Variants in CADPS observed in about 807,000 individuals in gnomAD.
The protein encoded by CADPS is calcium dependent secretion activator.
In CADPS, 57 loss-of-function variants were observed where a neutral mutation model predicts 167.3. The observed-to-expected ratio is 0.34, with a 90% CI of 0.28 to 0.42. The LOEUF is 0.42. Ranked by LOEUF, CADPS falls within the 20% of genes least tolerant of loss-of-function variation. The probability of loss-of-function intolerance (pLI) is 1.00; values close to 1 mark genes in which losing one functional copy is unlikely to be tolerated. For missense variants in CADPS, 1,414 were observed against 1,738.1 expected, an observed-to-expected ratio of 0.81 and a Z score of 3.32; for synonymous variants, 676 against 635.3, an observed-to-expected ratio of 1.06 and a Z score of -0.96.
chr3:62,734,490 A>C (rs932255136), intron 3 of CADPS, among the ~76,000 whole-genome samples: 11 of 152,144 alleles, frequency 7.2e-5, no homozygotes, highest in African/African-American at 2.7e-4. Flanking sequence ...AGTAGCCACT[A>C]TTCTGATTTC....
chr3:62,771,576 G>C (rs1424980120), intron 1 of CADPS, among the ~76,000 whole-genome samples: 1 of 152,142 alleles, frequency 6.6e-6, no homozygotes, highest in Non-Finnish European at 1.5e-5. Flanking sequence ...AATGGGCTTT[G>C]ATGAGCCGCT....
chr3:62,531,553 G>A (rs1056002245), intron 13 of CADPS, among the ~76,000 whole-genome samples: 2 of 152,222 alleles, frequency 1.3e-5, no homozygotes, highest in African/African-American at 4.8e-5. Flanking sequence ...AGAGATTTTA[G>A]TTGTATAGCT....
At chr3:62,578,043 T>C (rs2082638968) in intron 8 of CADPS, among the ~76,000 whole-genome samples, 1 of 152,084 alleles carries the variant, frequency 6.6e-6, no homozygotes, top group African/African-American at 2.4e-5. Flanking sequence ...ATAGGCTAAA[T>C]ATCTCAACTA....
rs1175200777 is a variant in CADPS, at chr3:62,601,474, A to G, written c.1326-8726T>C. ...GAAATACTTTTATTTTCATTAGCAG[A>G]TTAGCAGAATGCTCATCTGGGCATA... On this transcript the variant is annotated intron_variant, in intron 6 of 29. Coordinates refer to ENST00000383710, the MANE Select transcript of CADPS (RefSeq NM_003716.4). This position sits in a 1 kb window ranked among gnomAD's most constrained non-coding sequence, Gnocchi z 4.3. Among the ~76,000 whole-genome samples the G allele has an allele frequency of 6.6e-6, 1 of 152,228 alleles. No individual in the cohort carries two copies. The highest frequency in any genetic ancestry group is 2.4e-5 in the African/African-American group (1 of 41,454).
intron 6 of CADPS, among the ~76,000 whole-genome samples, chr3:62,624,693 A>G (rs1483791541): frequency 6.6e-6 from 1 of 152,170 alleles, no homozygotes; most frequent in East Asian, 1.9e-4. Flanking sequence ...TTCTCCTTCC[A>G]TAGGGCAAGC....
intron 8 of CADPS, among the ~76,000 whole-genome samples, chr3:62,574,747 A>G (rs2081960661): frequency 6.6e-6 from 1 of 152,206 alleles, no homozygotes; most frequent in African/African-American, 2.4e-5. Context: ...GGTGCTCTGT[A>G]AGACAGGTCA....
chr3:62,849,962 A>T (rs1474207189), intron 1 of CADPS, among the ~76,000 whole-genome samples: 8 of 120,952 alleles, frequency 6.6e-5, no homozygotes, highest in African/African-American at 2.5e-4. Context: ...AGCTCCTGTT[A>T]TTGGTCTATT....
At chr3:62,422,019 T>C (rs528687919) in intron 28 of CADPS, among the ~76,000 whole-genome samples, 2 of 152,378 alleles carry the variant, frequency 1.3e-5, no homozygotes, top group Non-Finnish European at 1.5e-5. Flanking sequence ...AAATACATAA[T>C]AGCATTTCTT....
chr3:62,576,788 T>TTAAAAAAAAAAAAAAAAAA (rs1553936618), intron 8 of CADPS, among the ~76,000 whole-genome samples: 1 of 29,870 alleles, frequency 3.3e-5, no homozygotes. Context: ...AGACTCTGTC[T>TTAAAAAAAAAAAAAAAAAA]AAAAAAAAAA....
At chr3:62,745,599 A>C (rs1446615703) in intron 3 of CADPS, among the ~76,000 whole-genome samples, 1 of 152,208 alleles carries the variant, frequency 6.6e-6, no homozygotes, top group Non-Finnish European at 1.5e-5. Flanking sequence ...CTGGAAGATT[A>C]CTGTGACCCT....
At chr3:62,854,618 A>G (rs2079289340) in intron 1 of CADPS, among the ~76,000 whole-genome samples, 1 of 152,150 alleles carries the variant, frequency 6.6e-6, no homozygotes, top group Admixed American at 6.5e-5. Context: ...GTGGAGAAAA[A>G]TCTAGGTTGC....
intron 6 of CADPS, among the ~76,000 whole-genome samples, chr3:62,643,436 G>A (rs2067857474): frequency 6.6e-6 from 1 of 152,154 alleles, no homozygotes; most frequent in African/African-American, 2.4e-5. Context: ...ACTTCTTACT[G>A]GAAAAGCAAA....
intron 1 of CADPS, among the ~76,000 whole-genome samples, chr3:62,824,734 C>A (rs1019677408): frequency 6.6e-6 from 1 of 152,108 alleles, no homozygotes. Flanking sequence ...TCTTCCATTA[C>A]GAACTGCTGT....
intron 6 of CADPS, among the ~76,000 whole-genome samples, chr3:62,637,285 C>T (rs1050723962): frequency 2.6e-5 from 4 of 152,182 alleles, no homozygotes; most frequent in African/African-American, 7.2e-5. Flanking sequence ...GTGATTTAAA[C>T]CCAGCTCCAT....
intron 26 of CADPS, among the ~76,000 whole-genome samples, chr3:62,447,835 G>A (rs1043096725): frequency 1.3e-4 from 20 of 152,068 alleles, no homozygotes; most frequent in Admixed American, 3.3e-4. Flanking sequence ...ATCTTTCCTC[G>A]CCATTGCTAT....
At chr3:62,625,573 A>G (rs2063918469) in intron 6 of CADPS, 1 of 150,672 alleles carries the variant, frequency 6.6e-6, no homozygotes, top group Non-Finnish European at 1.5e-5. Context: ...TCGTCCGCAA[A>G]GCTCTTTTAT....
At chr3:62,840,915 G>A (rs1307857972) in intron 1 of CADPS, among the ~76,000 whole-genome samples, 2 of 152,108 alleles carry the variant, frequency 1.3e-5, no homozygotes, top group Non-Finnish European at 2.9e-5. Context: ...GTGATATACC[G>A]ATTAGGAAAT....
chr3:62,836,424 A>G (rs2075894860), intron 1 of CADPS, among the ~76,000 whole-genome samples: 3 of 152,164 alleles, frequency 2.0e-5, no homozygotes, highest in Non-Finnish European at 4.4e-5. Context: ...GACAGGGAGA[A>G]AAATACGCAC....
intron 3 of CADPS, among the ~76,000 whole-genome samples, chr3:62,667,151 A>G (rs1214872642): frequency 6.6e-6 from 1 of 150,974 alleles, no homozygotes; most frequent in Non-Finnish European, 1.5e-5. Flanking sequence ...CTACCCTGGC[A>G]TGTTATGAGG....
Sources: allele counts gnomAD v4.1 joint callset (sites outside exome capture counted in the v4.1 genomes callset), GRCh38; gene constraint gnomAD v4.1.1; non-coding constraint Gnocchi (gnomAD v3.1); transcripts MANE v1.5; gene names NCBI Gene and HGNC (gene_info 2026-07-23, HGNC 2026-07-21).